RNF7: variants seen among roughly 807,000 people sequenced by gnomAD.
RNF7 encodes RING-box protein 2.
Under a neutral mutation model 17.0 loss-of-function variants are expected in RNF7, and 9 were observed. The observed-to-expected ratio is 0.53, with a 90% confidence interval of 0.32 to 0.92. The LOEUF is 0.92. RNF7 is among the 40% of genes least tolerant of loss of function. RNF7 has a pLI of 0.04. For synonymous variants in RNF7, 59 were observed against 50.5 expected (o/e 1.17, Z -0.72); for missense variants, 87 against 145.8 (o/e 0.60, Z 2.08).
chr3:141,745,709 C>T lies in RNF7; in HGVS notation c.*432C>T, dbSNP rs982446905. The T allele has an allele frequency of 6.5e-6, 1 of 152,702 alleles. No individual in the cohort carries two copies. The highest frequency in any genetic ancestry group is 1.5e-5 in the Non-Finnish European group (1 of 68,114). 9.5% of individuals were successfully genotyped at this position (152,702 alleles called of 1,614,324 possible). Reference sequence around the variant, plus strand: ...AGTGCAGTTTAAAACCCAACTCTTACTCTTAATTTGTTCCTAATACGTATT... The same window carrying T: ...AGTGCAGTTTAAAACCCAACTCTTATTCTTAATTTGTTCCTAATACGTATT... On this transcript the variant is annotated 3_prime_UTR_variant, in exon 3 of 3. Transcript: ENST00000273480.
chr3:141,743,642 T>C, intron 2 of RNF7, 86 bp downstream of exon 2: 3 of 956,408 alleles, frequency 3.1e-6, no homozygotes, highest in Admixed American at 4.4e-5. Flanking sequence ...AGATTGACTT[T>C]ATCAATACAC....
intron 1 of RNF7, chr3:141,742,968 T>A (rs1171608017): frequency 3.2e-6 from 3 of 924,856 alleles, no homozygotes; most frequent in Non-Finnish European, 4.0e-6. Flanking sequence ...TAATTTTTTA[T>A]AAGTTATATA....
intron 1 of RNF7, chr3:141,743,103 A>T (rs2084437852): frequency 5.3e-6 from 1 of 189,256 alleles, no homozygotes; most frequent in Admixed American, 5.4e-5. Context: ...GTGTTTCTTG[A>T]TGTATGTATA....
rs76776164 is a variant in RNF7, at chr3:141,746,920, A to G, written c.*1643A>G. On this transcript the variant is annotated 3_prime_UTR_variant, in exon 3 of 3. Transcript: ENST00000273480. ...AATATCTTTGGCCATTTAAATGTTT[A>G]TCATTGTGCAGTGAACTGTTTTAGT... 16 of 152,326 alleles carry G rather than the reference A, an allele frequency of 1.1e-4. No homozygotes were observed. Among genetic ancestry groups the G allele is most frequent in the Admixed American group, 2.6e-4 (4 of 15,304 alleles). The allele number at this position is 152,326 out of a possible 1,614,324, so 9.4% of individuals were successfully genotyped here.
chr3:141,744,850 T>C (rs2084455878), intron 2 of RNF7, among the ~76,000 whole-genome samples: 1 of 152,166 alleles, frequency 6.6e-6, no homozygotes, highest in African/African-American at 2.4e-5. Context: ...GAAGGTCAGA[T>C]CTAAGGAAGG....
At position 141,745,789 on chromosome 3, in the gene RNF7, A is replaced by G. The variant is rs1230559025; in HGVS notation, c.*512A>G. ...ATCTTTATGTGATATAAGGATTTTA[A>G]GTTTGGGCCAGTGAACAGGGTAAAT... On this transcript the variant is annotated 3_prime_UTR_variant, in exon 3 of 3. Transcript: ENST00000273480. The G allele has an allele frequency of 6.6e-6, 1 of 152,340 alleles. No homozygotes were observed. Among genetic ancestry groups the G allele is most frequent in the Non-Finnish European group, 1.5e-5 (1 of 68,080 alleles). 9.4% of individuals were successfully genotyped at this position (152,340 alleles called of 1,614,324 possible). A position where few individuals can be genotyped will look rare whatever the true frequency, so the allele number is the denominator to read the frequency against.
intron 1 of RNF7, chr3:141,742,758 T>A (rs1454702036): frequency 7.8e-7 from 1 of 1,285,452 alleles, no homozygotes; most frequent in Non-Finnish European, 1.0e-6. Flanking sequence ...TCTGTCTCAC[T>A]GGCTTCTCAC....
At chr3:141,743,080 C>T in intron 1 of RNF7, 1 of 204,470 alleles carries the variant, frequency 4.9e-6, no homozygotes. Flanking sequence ...TTATTGGTTC[C>T]TTGGGTATCC....
chr3:141,743,576 T>TGAAAACAAACAAGAGGA lies in RNF7; in HGVS notation c.223+20_223+21insGAAAACAAACAAGAGGA. ...GTGTTGGTATGTTGTAATTTTGTTC[T>TGAAAACAAACAAGAGGA]CTTGCTTTTTCAACTGAAGGTTTTC... On this transcript the variant is annotated intron_variant, in intron 2 of 2. Coordinates refer to ENST00000273480, the MANE Select transcript of RNF7 (RefSeq NM_014245.5). The TGAAAACAAACAAGAGGA allele has an allele frequency of 2.5e-6, 4 of 1,590,624 alleles. No homozygotes were observed. Among genetic ancestry groups the TGAAAACAAACAAGAGGA allele is most frequent in the Non-Finnish European group, 3.4e-6 (4 of 1,166,542 alleles).
At chr3:141,740,356 G>A (rs1044077024) in intron 1 of RNF7, among the ~76,000 whole-genome samples, 2 of 152,108 alleles carry the variant, frequency 1.3e-5, no homozygotes, top group African/African-American at 4.8e-5. Context: ...CATTTAAAGA[G>A]TAAGTGGAAA....
chr3:141,743,770 T>G (rs1205655594), intron 2 of RNF7, among the ~76,000 whole-genome samples: 3 of 152,240 alleles, frequency 2.0e-5, no homozygotes, highest in Non-Finnish European at 4.4e-5. Flanking sequence ...GAATTGGTTA[T>G]ATATTCCAGA....
rs1237760905 is a variant in RNF7 at position 141,746,416 on chromosome 3, A to T, written c.*1139A>T. ...TGCTTACCTTATTTGAATTGTCATT[A>T]TAATTTTATATGCAACCTTAATTTG... is the stretch of plus-strand genomic sequence containing the variant. On this transcript the variant is annotated 3_prime_UTR_variant, in exon 3 of 3. Transcript: ENST00000273480. The T allele has an allele frequency of 6.6e-6, 1 of 152,226 alleles. No homozygotes were observed. Among genetic ancestry groups the T allele is most frequent in the African/African-American group, 2.4e-5 (1 of 41,458 alleles). 9.4% of individuals were successfully genotyped at this position (152,226 alleles called of 1,614,324 possible).
rs1228414321 is a variant in RNF7, at chr3:141,746,282, GAT to G, written c.*1009_*1010del. 2.6e-5 allele frequency: 4 copies of G among 152,060 alleles called. No individual in the cohort carries two copies. Among genetic ancestry groups the G allele is most frequent in the Non-Finnish European group, 4.4e-5 (3 of 68,014 alleles). The allele number at this position is 152,060 out of a possible 1,614,324, so 9.4% of individuals were successfully genotyped here. On this transcript the variant is annotated 3_prime_UTR_variant, in exon 3 of 3. Transcript: ENST00000273480. ...GTGGGCCACTGCACCTGGCCCAGAT[GAT>G]ATAATTTAACTGTGTTTTAGGTAAC...
intron 1 of RNF7, among the ~76,000 whole-genome samples, chr3:141,741,216 G>A (rs529970492): frequency 6.6e-6 from 1 of 152,314 alleles, no homozygotes; most frequent in Admixed American, 6.5e-5. Flanking sequence ...CCAGATTCAG[G>A]TAGGATGTCT....
At chr3:141,738,566 A>G in intron 1 of RNF7, 50 bp downstream of exon 1, 1 of 1,534,508 alleles carries the variant, frequency 6.5e-7, no homozygotes. Flanking sequence ...CCGGGAGCCG[A>G]CCTCGGGGTT....
At chr3:141,742,223 C>CTTTTTTTT (rs1196270339) in intron 1 of RNF7, among the ~76,000 whole-genome samples, 3 of 109,470 alleles carry the variant, frequency 2.7e-5, no homozygotes, top group African/African-American at 4.0e-5. Context: ...CAAGCATTTT[C>CTTTTTTTT]TTTTTTTTTT....
In RNF7 at chr3:141,745,322, G is replaced by A; in HGVS notation, c.*45G>A. On this transcript the variant is annotated 3_prime_UTR_variant, in exon 3 of 3. Coordinates refer to ENST00000273480, the MANE Select transcript of RNF7 (RefSeq NM_014245.5). ...TAGCGCAGTTGTTCAGAGCCCTGGT[G>A]GATCTTGTAATCCAGTGCCCTACAA... 1 of 1,321,198 alleles carries A rather than the reference G, an allele frequency of 7.6e-7. No individual in the cohort carries two copies. Among genetic ancestry groups the A allele is most frequent in the South Asian group, 1.2e-5 (1 of 84,226 alleles). The allele number at this position is 1,321,198 out of a possible 1,614,324, so 81.8% of individuals were successfully genotyped here. A position where few individuals can be genotyped will look rare whatever the true frequency, so the allele number is the denominator to read the frequency against.
rs1232941029 is a variant in RNF7 at position 141,746,132 on chromosome 3, A to C, written c.*855A>C. The C allele has an allele frequency of 2.0e-5, 3 of 151,902 alleles. No individual in the cohort carries two copies. Among genetic ancestry groups the C allele is most frequent in the Non-Finnish European group, 4.4e-5 (3 of 68,006 alleles). 9.4% of individuals were successfully genotyped at this position (151,902 alleles called of 1,614,324 possible). A position where few individuals can be genotyped will look rare whatever the true frequency, so the allele number is the denominator to read the frequency against. On this transcript the variant is annotated 3_prime_UTR_variant, in exon 3 of 3. Transcript: ENST00000273480. ...GCTGGGATTACAGGTGTGTGCCACC[A>C]CACCCGGCTAATTTTTGTATTTTTA...
At position 141,745,487 on chromosome 3, in the gene RNF7, T is replaced by C. The variant is rs1577901466; in HGVS notation, c.*210T>C. 8.3e-6 allele frequency: 3 copies of C among 361,678 alleles called. No individual in the cohort carries two copies. The East Asian group carries it at 1.6e-4, about 19-fold the overall frequency. 22.4% of individuals were successfully genotyped at this position (361,678 alleles called of 1,614,324 possible). A position where few individuals can be genotyped will look rare whatever the true frequency, so the allele number is the denominator to read the frequency against. On this transcript the variant is annotated 3_prime_UTR_variant, in exon 3 of 3. Coordinates refer to ENST00000273480, the MANE Select transcript of RNF7 (RefSeq NM_014245.5). ...CTCTGCGATTAAGAAGATAATTTAT[T>C]AAAGGTGGTCCTTCCTACCTCTGTG... is the stretch of plus-strand genomic sequence containing the variant.
Sources: gnomAD v4.1 joint callset for allele counts (sites outside exome capture counted in the v4.1 genomes callset) on GRCh38, gnomAD v4.1.1 for gene constraint, MANE v1.5 for transcripts, NCBI Gene and HGNC (gene_info 2026-07-23, HGNC 2026-07-21) for gene names.